SGMS1: variants seen among roughly 807,000 people sequenced by gnomAD.
SGMS1 encodes phosphatidylcholine:ceramide cholinephosphotransferase 1.
SGMS1 carries 13 observed loss-of-function variants against 46.2 expected under a neutral mutation model. That is an observed-to-expected ratio of 0.28 (90% confidence interval 0.18 to 0.45). The LOEUF (loss-of-function observed/expected upper bound fraction) is 0.45. SGMS1 is among the 20% of genes least tolerant of loss of function. The probability of loss-of-function intolerance (pLI) is 1.00; values close to 1 mark genes in which losing one functional copy is unlikely to be tolerated. For missense variants in SGMS1, 324 were observed against 519.9 expected, an observed-to-expected ratio of 0.62 and a Z score of 3.66; for synonymous variants, 203 against 187.8, an observed-to-expected ratio of 1.08 and a Z score of -0.66.
intron 8 of SGMS1, among the ~76,000 whole-genome samples, chr10:50,321,025 A>G (rs1275457408): frequency 6.8e-6 from 1 of 147,164 alleles, no homozygotes; most frequent in Non-Finnish European, 1.5e-5. Context: ...GTATGCCCAC[A>G]TAGGGCAGGT....
At chr10:50,572,066 C>G (rs1336699612) in intron 2 of SGMS1, among the ~76,000 whole-genome samples, 2 of 152,166 alleles carry the variant, frequency 1.3e-5, no homozygotes, top group African/African-American at 2.4e-5. Flanking sequence ...CCACCTATCT[C>G]TTTAGCTAGG....
At chr10:50,589,851 A>G (rs1227676873) in intron 2 of SGMS1, among the ~76,000 whole-genome samples, 1 of 152,258 alleles carries the variant, frequency 6.6e-6, no homozygotes, top group East Asian at 1.9e-4. Context: ...GTACAAAACT[A>G]TAAATTTAAT....
intron 1 of SGMS1, among the ~76,000 whole-genome samples, chr10:50,594,581 C>CA (rs1838573141): frequency 6.6e-6 from 1 of 152,062 alleles, no homozygotes; most frequent in African/African-American, 2.4e-5. Context: ...AGTAATTCTA[C>CA]AAAAAATTCT....
intron 6 of SGMS1, among the ~76,000 whole-genome samples, chr10:50,400,785 T>C (rs1848926857): frequency 6.6e-6 from 1 of 152,188 alleles, no homozygotes. Context: ...TCAATATCAG[T>C]ATGTGACCAG....
rs1429056668 is a variant in SGMS1, at chr10:50,322,856, A to G, written c.741+4349T>C. ...TCCGTCTCAAAAAAAAAAAAAAAAA[A>G]AAAAAAAGATGAGAAGAGGTTGTTT... On this transcript the variant is annotated intron_variant, in intron 8 of 10. Transcript: ENST00000361781. Among the ~76,000 whole-genome samples, 4 of 151,452 alleles carry G rather than the reference A, an allele frequency of 2.6e-5. No individual in the cohort carries two copies. In the East Asian group the frequency reaches 7.8e-4, roughly 29 times the overall value.
chr10:50,624,273 G>A (rs1838892178), upstream of SGMS1: 1 of 341,632 alleles, frequency 2.9e-6, no homozygotes, highest in East Asian at 1.7e-4. Context: ...GCCGGAGACG[G>A]GAGCCGCTAG....
At chr10:50,362,792 CA>C (rs1195328489) in intron 6 of SGMS1, among the ~76,000 whole-genome samples, 4 of 152,060 alleles carry the variant, frequency 2.6e-5, no homozygotes, top group African/African-American at 7.2e-5. Flanking sequence ...AATGTAAAAA[CA>C]AGACATGATT....
chr10:50,407,534 G>A (rs1012742968), intron 6 of SGMS1, among the ~76,000 whole-genome samples: 2 of 151,922 alleles, frequency 1.3e-5, no homozygotes, highest in Non-Finnish European at 1.5e-5. Context: ...ACCTCCAAAC[G>A]GCCTCCTCCA....
intron 2 of SGMS1, among the ~76,000 whole-genome samples, chr10:50,562,415 C>CA (rs1838248093): frequency 1.3e-5 from 2 of 151,294 alleles, no homozygotes; most frequent in African/African-American, 4.8e-5. Flanking sequence ...TACACGCACC[C>CA]ACTACCACAA....
intron 2 of SGMS1, among the ~76,000 whole-genome samples, chr10:50,534,984 A>G (rs958616472): frequency 5.3e-5 from 8 of 152,236 alleles, no homozygotes; most frequent in African/African-American, 1.9e-4. Context: ...CTGTAATCCC[A>G]GCACTCTGGG....
chr10:50,591,191 G>A (rs1455383990), intron 1 of SGMS1, among the ~76,000 whole-genome samples: 2 of 152,152 alleles, frequency 1.3e-5, no homozygotes, highest in Non-Finnish European at 2.9e-5. Flanking sequence ...GGTAAGCAGG[G>A]TTTATGGATC....
intron 3 of SGMS1, among the ~76,000 whole-genome samples, chr10:50,491,510 A>G (rs1837567404): frequency 6.6e-6 from 1 of 152,216 alleles, no homozygotes; most frequent in Admixed American, 6.5e-5. Flanking sequence ...CCTGAGTTTT[A>G]ATAGGACACT....
At chr10:50,508,771 A>T (rs1837729422) in intron 3 of SGMS1, among the ~76,000 whole-genome samples, 1 of 152,126 alleles carries the variant, frequency 6.6e-6, no homozygotes, top group African/African-American at 2.4e-5. Context: ...CTGCCATAAA[A>T]CCTTGGGCTT....
At chr10:50,565,242 T>C (rs770181088) in intron 2 of SGMS1, among the ~76,000 whole-genome samples, 10 of 152,134 alleles carry the variant, frequency 6.6e-5, no homozygotes, top group Non-Finnish European at 7.4e-5. Context: ...CAGTGTCTTA[T>C]ACCTAGCAGA....
intron 2 of SGMS1, among the ~76,000 whole-genome samples, chr10:50,529,391 T>TTAG (rs1302251710): frequency 6.6e-6 from 1 of 152,160 alleles, no homozygotes; most frequent in African/African-American, 2.4e-5. Context: ...CACAATACAA[T>TTAG]GCTAGGTAAA....
At chr10:50,612,645 G>A (rs1434536776) in intron 1 of SGMS1, among the ~76,000 whole-genome samples, 4 of 152,178 alleles carry the variant, frequency 2.6e-5, no homozygotes, top group East Asian at 1.9e-4. Flanking sequence ...ATAGAAAGTC[G>A]TTAATCTTCT....
intron 6 of SGMS1, among the ~76,000 whole-genome samples, chr10:50,348,514 C>T (rs916636092): frequency 1.1e-4 from 17 of 152,048 alleles, no homozygotes; most frequent in African/African-American, 3.9e-4. Flanking sequence ...CATTCCTATA[C>T]ACTGATAATA....
intron 7 of SGMS1, among the ~76,000 whole-genome samples, chr10:50,329,474 A>T (rs1377576088): frequency 1.3e-5 from 2 of 152,210 alleles, no homozygotes; most frequent in Non-Finnish European, 2.9e-5. Flanking sequence ...TTTGGCATTT[A>T]ATATTTTTGA....
intron 2 of SGMS1, among the ~76,000 whole-genome samples, chr10:50,576,333 T>A (rs1838385015): frequency 6.6e-6 from 1 of 152,074 alleles, no homozygotes; most frequent in South Asian, 2.1e-4. Context: ...TATACTGAGG[T>A]CTCTTGTGAA....
Sources: allele counts gnomAD v4.1 joint callset (sites outside exome capture counted in the v4.1 genomes callset), GRCh38; gene constraint gnomAD v4.1.1; transcripts MANE v1.5; gene names NCBI Gene and HGNC (gene_info 2026-07-23, HGNC 2026-07-21).